FBXO34: variants seen among roughly 807,000 people sequenced by gnomAD.
FBXO34 encodes the protein F-box protein 34.
A neutral mutation model predicts 24.5 loss-of-function variants in FBXO34; 12 were observed. That is an observed-to-expected ratio of 0.49 (90% CI 0.31 to 0.79). FBXO34 has a LOEUF of 0.79. Among genes scored for constraint, FBXO34 ranks in the 30% least tolerant of loss-of-function variants. The pLI is 0.04. For missense variants in FBXO34, 823 were observed against 857.7 expected (o/e 0.96, Z 0.51); for synonymous variants, 320 against 311.9 (o/e 1.03, Z -0.27).
intron 1 of FBXO34, among the ~76,000 whole-genome samples, chr14:55,326,716 CTT>C (rs1566557331): frequency 6.6e-6 from 1 of 152,198 alleles, no homozygotes; most frequent in East Asian, 1.9e-4. Context: ...AGTCAGATCT[CTT>C]GTTTATGGAT....
chr14:55,365,946 A>G (rs913861114), downstream of FBXO34, among the ~76,000 whole-genome samples: 2 of 152,190 alleles, frequency 1.3e-5, no homozygotes, highest in African/African-American at 4.8e-5. Context: ...GAAATTAGTT[A>G]TAAAAAATAA....
chr14:55,369,537 A>T, downstream of FBXO34: 1 of 1,282,314 alleles, frequency 7.8e-7, no homozygotes, highest in Non-Finnish European at 1.1e-6. Flanking sequence ...CACTATCTTA[A>T]CTTAAACAGA....
In FBXO34 at chr14:55,286,831, A is replaced by T. The variant is rs191792335; in HGVS notation, c.-11+15294A>T. On this transcript the variant is annotated intron_variant, in intron 1 of 1. Transcript: ENST00000313833. ...GGATTTTTTTTTTTGAATTTGTAAT[A>T]TTCACATATACGTAATGAGATATCT... is the stretch of plus-strand genomic sequence containing the variant. Among the ~76,000 whole-genome samples the T allele has an allele frequency of 3.5e-3, 524 of 151,126 alleles. 1 individual carries two copies. The highest frequency in any genetic ancestry group is 0.012 in the African/African-American group (500 of 41,114).
chr14:55,382,139 CAGTGCT>C, the FBXO34 span: 1 of 1,614,124 alleles, frequency 6.2e-7, no homozygotes, highest in Non-Finnish European at 8.5e-7. Context: ...AGCTTGCTCA[CAGTGCT>C]GGAGGTCATG....
At chr14:55,372,461 C>A (rs567867551), downstream of FBXO34, among the ~76,000 whole-genome samples, 2 of 152,304 alleles carry the variant, frequency 1.3e-5, no homozygotes, top group Admixed American at 1.3e-4. Flanking sequence ...TCAGAACTGA[C>A]TGCCAGGCTA....
the FBXO34 span, among the ~76,000 whole-genome samples, chr14:55,431,843 G>A: frequency 1.5e-4 from 23 of 152,290 alleles, 1 homozygote; most frequent in African/African-American, 5.3e-4. Context: ...TATTTCAAGT[G>A]CTCAGTAGCC....
In FBXO34 at chr14:55,351,215, A is replaced by T. The variant is rs1333545654; in HGVS notation, c.825A>T (p.Glu275Asp). The T allele has an allele frequency of 6.2e-7, 1 of 1,614,182 alleles. No individual in the cohort carries two copies. The highest frequency in any genetic ancestry group is 1.7e-5 in the Admixed American group (1 of 60,024). The change falls in exon 2 of 2, where the codon GAA (glutamate) becomes GAT (aspartate). Residue 275 changes from glutamate to aspartate, a missense_variant. Transcript: ENST00000313833. ...GNLEVGEPQSEPVRVLDMVAK... is the reference protein window; with the variant it reads ...GNLEVGEPQSDPVRVLDMVAK... Reference sequence around the variant, plus strand: ...TTGAGGTTGGTGAACCACAGAGCGAACCAGTCCGTGTCCTTGACATGGTAG... The same window carrying T: ...TTGAGGTTGGTGAACCACAGAGCGATCCAGTCCGTGTCCTTGACATGGTAG...
chr14:55,421,029 G>A, the FBXO34 span, among the ~76,000 whole-genome samples: 1 of 137,438 alleles, frequency 7.3e-6, no homozygotes, highest in Non-Finnish European at 1.5e-5. Context: ...CCACTGCACT[G>A]CAGCCTGGGC....
rs746163051 is a variant in FBXO34, at chr14:55,350,770, A to C, written c.380A>C (p.Gln127Pro). 2 of 1,609,086 alleles carry C rather than the reference A, an allele frequency of 1.2e-6. No homozygotes were observed. The highest frequency in any genetic ancestry group is 1.7e-5 in the Admixed American group (1 of 58,780). ...KEKIAFFASHQCSNRIGSMKI... is the reference protein window; with the variant it reads ...KEKIAFFASHPCSNRIGSMKI... ...AAAATTGCATTCTTTGCATCCCACC[A>C]GTGTAGTAACAGGATAGGATCTATG... Residue 127 changes from glutamine to proline, a missense_variant, in exon 2 of 2, where the codon CAG (glutamine) becomes CCG (proline). Gln to Pro is a moderately conservative substitution (Grantham distance 76). Coordinates refer to ENST00000313833, the MANE Select transcript of FBXO34 (RefSeq NM_017943.4).
At chr14:55,387,883 A>T in the FBXO34 span, among the ~76,000 whole-genome samples, 1 of 151,874 alleles carries the variant, frequency 6.6e-6, no homozygotes, top group East Asian at 1.9e-4. Flanking sequence ...CTGATCTCAA[A>T]CTCCTGACCT....
chr14:55,300,313 C>T (rs1295904897), intron 1 of FBXO34, among the ~76,000 whole-genome samples: 1 of 152,158 alleles, frequency 6.6e-6, no homozygotes, highest in Non-Finnish European at 1.5e-5. Context: ...CACGTTGTGG[C>T]CGGGCGAGGT....
chr14:55,436,685 C>A, the FBXO34 span: 2 of 1,614,208 alleles, frequency 1.2e-6, no homozygotes, highest in Admixed American at 1.7e-5. Flanking sequence ...GAGTCAGTAT[C>A]ACCAGGGTGC....
chr14:55,302,095 G>C (rs750509336), intron 1 of FBXO34, among the ~76,000 whole-genome samples: 1 of 152,204 alleles, frequency 6.6e-6, no homozygotes, highest in Non-Finnish European at 1.5e-5. Flanking sequence ...AAGGCAAACT[G>C]GTTGCAAAGT....
At chr14:55,293,659 GC>G (rs1257625753) in intron 1 of FBXO34, among the ~76,000 whole-genome samples, 1 of 151,444 alleles carries the variant, frequency 6.6e-6, no homozygotes, top group African/African-American at 2.4e-5. Flanking sequence ...AAAAAGTATT[GC>G]TTAGTAAATG....
At chr14:55,388,710 T>C in the FBXO34 span, among the ~76,000 whole-genome samples, 1 of 152,232 alleles carries the variant, frequency 6.6e-6, no homozygotes, top group Non-Finnish European at 1.5e-5. Context: ...CTCTTAAGCA[T>C]GAGTCCGAGC....
chr14:55,397,940 A>ATTATTTTT, the FBXO34 span, among the ~76,000 whole-genome samples: 1 of 136,836 alleles, frequency 7.3e-6, no homozygotes, highest in African/African-American at 3.0e-5. Flanking sequence ...CATTGCAGTA[A>ATTATTTTT]TTCTTTTTTT....
chr14:55,387,913 C>G, the FBXO34 span, among the ~76,000 whole-genome samples: 2 of 152,184 alleles, frequency 1.3e-5, no homozygotes, highest in Non-Finnish European at 2.9e-5. Flanking sequence ...CCGCCCGCCT[C>G]GGCCTCCCAA....
chr14:55,436,712 T>A, the FBXO34 span: 14 of 1,614,152 alleles, frequency 8.7e-6, no homozygotes, highest in Non-Finnish European at 1.2e-5. Flanking sequence ...GAATGGGAAT[T>A]TGACAAACTG....
chr14:55,369,270 C>CACACT (rs1200162071), downstream of FBXO34: 2 of 175,808 alleles, frequency 1.1e-5, no homozygotes, highest in African/African-American at 5.2e-5. Flanking sequence ...CAAGGACCAG[C>CACACT]ACACTGACCC....
Sources: gnomAD v4.1 joint callset for allele counts (sites outside exome capture counted in the v4.1 genomes callset) on GRCh38, gnomAD v4.1.1 for gene constraint, MANE v1.5 for transcripts, NCBI Gene and HGNC (gene_info 2026-07-23, HGNC 2026-07-21) for gene names.